Variants in CNTN5 observed in about 807,000 individuals in gnomAD.
CNTN5 encodes the protein contactin 5, also known as contactin-5.
In CNTN5, 77 loss-of-function variants were observed where a neutral mutation model predicts 129.1. The observed-to-expected ratio is 0.60, with a 90% CI of 0.50 to 0.72. The LOEUF (loss-of-function observed/expected upper bound fraction) is 0.72. CNTN5 is among the 30% of genes least tolerant of loss of function. The pLI, the probability that CNTN5 is intolerant of heterozygous loss-of-function variation, is 0.00. For missense variants in CNTN5, 1,478 were observed against 1,328.8 expected (o/e 1.11, Z -1.75); for synonymous variants, 509 against 465.6 (o/e 1.09, Z -1.20).
chr11:99,697,039 C>A (rs940255247), intron 3 of CNTN5, among the ~76,000 whole-genome samples: 1 of 151,694 alleles, frequency 6.6e-6, no homozygotes. Context: ...CTCTTAAAGG[C>A]CAAAGCTGGG....
chr11:99,359,595 AATATAT>A (rs1938955169), intron 2 of CNTN5, among the ~76,000 whole-genome samples: 1 of 149,012 alleles, frequency 6.7e-6, no homozygotes, highest in African/African-American at 2.4e-5. Context: ...TATATGAAAA[AATATAT>A]TATATATGAA....
intron 3 of CNTN5, among the ~76,000 whole-genome samples, chr11:99,636,560 T>C (rs539072215): frequency 1.3e-5 from 2 of 152,056 alleles, no homozygotes; most frequent in Admixed American, 6.5e-5. Context: ...GAGTAGAAGA[T>C]TGAAGGGCAA....
At chr11:99,544,284 G>T (rs1388149428) in intron 2 of CNTN5, among the ~76,000 whole-genome samples, 2 of 152,106 alleles carry the variant, frequency 1.3e-5, no homozygotes, top group African/African-American at 4.8e-5. Context: ...CTCCCACTAG[G>T]CCCGACTTCC....
At position 99,183,070 on chromosome 11, in the gene CNTN5, C is replaced by G. The variant is rs184855016; in HGVS notation, c.-209-142276C>G. 8.5e-4 allele frequency among the ~76,000 whole-genome samples: 129 copies of G among 152,118 alleles called. 1 individual carries two copies. The highest frequency in any genetic ancestry group is 4.8e-3 in the Admixed American group (73 of 15,280). On this transcript the variant is annotated intron_variant, in intron 1 of 24. Coordinates refer to ENST00000524871, the MANE Select transcript of CNTN5 (RefSeq NM_014361.4). Reference sequence around the variant, plus strand: ...ATGACTGCTTAGACTCCTAGCTGACCATTTTTCTTATTTAGTCATGGTGAT... The same window carrying G: ...ATGACTGCTTAGACTCCTAGCTGACGATTTTTCTTATTTAGTCATGGTGAT...
At chr11:99,189,336 T>A (rs1057308780) in intron 1 of CNTN5, among the ~76,000 whole-genome samples, 4 of 151,696 alleles carry the variant, frequency 2.6e-5, no homozygotes, top group African/African-American at 9.7e-5. Context: ...CTATTGTGAC[T>A]AATGTTGCAA....
intron 9 of CNTN5, among the ~76,000 whole-genome samples, chr11:100,006,337 A>C (rs934580545): frequency 6.6e-5 from 10 of 151,960 alleles, no homozygotes; most frequent in Non-Finnish European, 1.2e-4. Context: ...ACATTGATTG[A>C]CTCTGTAGCT....
chr11:99,119,099 A>T (rs1488605088), intron 1 of CNTN5, among the ~76,000 whole-genome samples: 1 of 152,152 alleles, frequency 6.6e-6, no homozygotes, highest in African/African-American at 2.4e-5. Context: ...TTCTAATTGT[A>T]CTGTAAATGA....
At chr11:100,212,163 A>T (rs1949046589) in intron 15 of CNTN5, among the ~76,000 whole-genome samples, 1 of 152,138 alleles carries the variant, frequency 6.6e-6, no homozygotes, top group Admixed American at 6.6e-5. Context: ...ATTAAATCAT[A>T]TTTTACATTC....
chr11:100,093,697 A>G (rs577505641), intron 13 of CNTN5, among the ~76,000 whole-genome samples: 2 of 152,224 alleles, frequency 1.3e-5, no homozygotes, highest in Admixed American at 6.5e-5. Flanking sequence ...CAGGGCCACA[A>G]TCAGGACCTC....
chr11:99,504,496 C>T (rs535239592), intron 2 of CNTN5, among the ~76,000 whole-genome samples: 19 of 142,652 alleles, frequency 1.3e-4, no homozygotes, highest in Admixed American at 3.6e-4. Flanking sequence ...AGCCACTGCA[C>T]GCCAGCCTGG....
intron 3 of CNTN5, among the ~76,000 whole-genome samples, chr11:99,623,405 T>G (rs1951019375): frequency 6.6e-6 from 1 of 152,142 alleles, no homozygotes; most frequent in African/African-American, 2.4e-5. Context: ...TCTCAGCCAC[T>G]TCATCCCCAG....
chr11:99,221,827 A>C lies in CNTN5; in HGVS notation c.-209-103519A>C, dbSNP rs533289432. Reference sequence around the variant, plus strand: ...GGAAATAAATTTAGTAAAAGCTCTCATTCTATTTGTGGCTATAAAATACAC... The same window carrying C: ...GGAAATAAATTTAGTAAAAGCTCTCCTTCTATTTGTGGCTATAAAATACAC... On this transcript the variant is annotated intron_variant, in intron 1 of 24. Transcript: ENST00000524871. 9.9e-5 allele frequency among the ~76,000 whole-genome samples: 15 copies of C among 152,100 alleles called. No individual in the cohort carries two copies. The South Asian group carries it at 2.9e-3, about 29-fold the overall frequency.
At chr11:99,892,759 C>T (rs1026198663) in intron 6 of CNTN5, among the ~76,000 whole-genome samples, 1 of 151,970 alleles carries the variant, frequency 6.6e-6, no homozygotes, top group Non-Finnish European at 1.5e-5. Context: ...GTCAGGTAGC[C>T]TTGAGGCCTC....
chr11:99,827,050 C>T (rs1254946848), intron 4 of CNTN5, among the ~76,000 whole-genome samples: 1 of 152,034 alleles, frequency 6.6e-6, no homozygotes, highest in Admixed American at 6.6e-5. Flanking sequence ...GTCAGAGCAG[C>T]TGTGTTCATT....
intron 6 of CNTN5, among the ~76,000 whole-genome samples, chr11:99,905,241 T>C (rs759086052): frequency 6.6e-6 from 1 of 152,234 alleles, no homozygotes; most frequent in Non-Finnish European, 1.5e-5. Context: ...TGGTATTGCC[T>C]AGGTTTTCTT....
chr11:99,947,888 G>A (rs1030145925), intron 7 of CNTN5, among the ~76,000 whole-genome samples: 2 of 151,978 alleles, frequency 1.3e-5, no homozygotes, highest in Non-Finnish European at 2.9e-5. Context: ...AAAAAATGTT[G>A]AGTGTTTTAA....
chr11:99,133,589 G>T (rs1859056865), intron 1 of CNTN5, among the ~76,000 whole-genome samples: 2 of 101,906 alleles, frequency 2.0e-5, no homozygotes, highest in Non-Finnish European at 1.9e-5. Flanking sequence ...TTAAAATGTG[G>T]GCAAAGGATA....
In CNTN5 at chr11:99,887,489, A is replaced by T. The variant is rs184697300; in HGVS notation, c.578-28565A>T. On this transcript the variant is annotated intron_variant, in intron 6 of 24. Transcript: ENST00000524871. ...AGTCAGGGTTCTCTAGAGGGACAGA[A>T]CTTATAGGATAGATGTATATATGAA... Among the ~76,000 whole-genome samples, 430 of 152,326 alleles carry T rather than the reference A, an allele frequency of 2.8e-3. 3 individuals carry two copies. The highest frequency in any genetic ancestry group is 3.7e-3 in the Admixed American group (56 of 15,300).
At chr11:99,319,771 C>G (rs1348155624) in intron 1 of CNTN5, among the ~76,000 whole-genome samples, 1 of 152,014 alleles carries the variant, frequency 6.6e-6, no homozygotes, top group East Asian at 1.9e-4. Context: ...CTGGCTTCAT[C>G]ATGAAGAAAA....
Sources: allele counts gnomAD v4.1 joint callset (sites outside exome capture counted in the v4.1 genomes callset), GRCh38; gene constraint gnomAD v4.1.1; transcripts MANE v1.5; gene names NCBI Gene and HGNC (gene_info 2026-07-23, HGNC 2026-07-21).